Variants in RARB observed in about 807,000 individuals in gnomAD.
RARB encodes retinoic acid receptor beta, also known as HBV-activated protein.
A neutral mutation model predicts 51.9 loss-of-function variants in RARB; 17 were observed. That is an observed-to-expected ratio of 0.33 (90% CI 0.22 to 0.49). RARB has a LOEUF of 0.49. Among genes scored for constraint, RARB ranks in the 20% least tolerant of loss-of-function variants. The pLI is 0.99. For missense variants in RARB, 369 were observed against 550.8 expected (o/e 0.67, Z 3.30); for synonymous variants, 215 against 195.4 (o/e 1.10, Z -0.84).
intron 3 of RARB, among the ~76,000 whole-genome samples, chr3:25,545,353 G>T (rs1035421522): frequency 2.8e-4 from 43 of 152,224 alleles, no homozygotes; most frequent in African/African-American, 1.0e-3. Flanking sequence ...TTGTCTCCTT[G>T]CCTCTCAAAG....
chr3:25,031,010 T>C (rs1575126753), intron 2 of RARB, among the ~76,000 whole-genome samples: 1 of 152,210 alleles, frequency 6.6e-6, no homozygotes, highest in Non-Finnish European at 1.5e-5. Flanking sequence ...TTTGCTTTCA[T>C]GGGCCACAGT....
intron 2 of RARB, among the ~76,000 whole-genome samples, chr3:24,917,376 C>G (rs1695128615): frequency 6.6e-6 from 1 of 152,156 alleles, no homozygotes; most frequent in African/African-American, 2.4e-5. Context: ...AGACAGATCA[C>G]AGGCTGTAAG....
At chr3:25,063,712 T>G (rs1698598233) in intron 3 of RARB, among the ~76,000 whole-genome samples, 1 of 151,058 alleles carries the variant, frequency 6.6e-6, no homozygotes, top group Non-Finnish European at 1.5e-5. Context: ...TTGAGACTTT[T>G]TTTTTTTTTT....
chr3:25,593,139 C>G (rs574274873), intron 5 of RARB, among the ~76,000 whole-genome samples: 1 of 151,718 alleles, frequency 6.6e-6, no homozygotes, highest in East Asian at 1.9e-4. Flanking sequence ...AGACTGTAAG[C>G]TCTTAAAAAA....
At chr3:25,252,814 A>G (rs1702761231) in intron 5 of RARB, among the ~76,000 whole-genome samples, 3 of 152,150 alleles carry the variant, frequency 2.0e-5, no homozygotes, top group Admixed American at 6.6e-5. Flanking sequence ...AGTAGCATCC[A>G]GTCTAATTGA....
At chr3:25,056,710 G>A (rs749288401) in intron 2 of RARB, among the ~76,000 whole-genome samples, 22 of 152,096 alleles carry the variant, frequency 1.4e-4, no homozygotes, top group Non-Finnish European at 2.8e-4. Flanking sequence ...CTGTATATAT[G>A]ATAAGATAAT....
intron 1 of RARB, among the ~76,000 whole-genome samples, chr3:25,460,043 C>T (rs1427373022): frequency 6.6e-6 from 1 of 152,114 alleles, no homozygotes; most frequent in South Asian, 2.1e-4. Flanking sequence ...GGTTAGATAA[C>T]AGGATGGAGG....
chr3:25,165,904 A>G (rs1353821409), intron 4 of RARB, among the ~76,000 whole-genome samples: 1 of 152,008 alleles, frequency 6.6e-6, no homozygotes, highest in East Asian at 1.9e-4. Flanking sequence ...TCATATTTGA[A>G]CTCTGTTTCT....
chr3:24,920,034 C>G (rs1218098085), intron 2 of RARB, among the ~76,000 whole-genome samples: 1 of 152,132 alleles, frequency 6.6e-6, no homozygotes, highest in African/African-American at 2.4e-5. Flanking sequence ...TGGGAGGATG[C>G]TAGTCATACA....
intron 2 of RARB, among the ~76,000 whole-genome samples, chr3:25,477,717 A>G (rs1165541705): frequency 6.6e-6 from 1 of 152,184 alleles, no homozygotes; most frequent in African/African-American, 2.4e-5. Flanking sequence ...GGTTAAAATG[A>G]CCCTTAAATC....
intron 5 of RARB, among the ~76,000 whole-genome samples, chr3:25,234,102 C>A (rs1702247703): frequency 6.6e-6 from 1 of 151,970 alleles, no homozygotes; most frequent in Admixed American, 6.6e-5. Context: ...TTACTTTCTC[C>A]TTAATTTTCT....
intron 5 of RARB, among the ~76,000 whole-genome samples, chr3:25,213,566 A>C (rs1389130573): frequency 2.6e-5 from 4 of 152,208 alleles, no homozygotes; most frequent in Non-Finnish European, 5.9e-5. Flanking sequence ...ACATTACCAG[A>C]GTATCTACCT....
chr3:25,452,309 T>C (rs2125543325), intron 1 of RARB, among the ~76,000 whole-genome samples: 1 of 152,342 alleles, frequency 6.6e-6, no homozygotes, highest in Middle Eastern at 3.4e-3. Flanking sequence ...GAAATGTTGG[T>C]GTTGAACGTG....
intron 3 of RARB, among the ~76,000 whole-genome samples, chr3:25,517,774 A>C (rs1443167757): frequency 1.3e-5 from 2 of 152,246 alleles, no homozygotes; most frequent in Non-Finnish European, 2.9e-5. Flanking sequence ...GACAAGTAAA[A>C]TATGATATAT....
chr3:24,983,433 G>C (rs748972393), intron 2 of RARB, among the ~76,000 whole-genome samples: 10 of 151,952 alleles, frequency 6.6e-5, no homozygotes, highest in Non-Finnish European at 7.4e-5. Flanking sequence ...TTGTTACATA[G>C]GTATACATGT....
intron 2 of RARB, among the ~76,000 whole-genome samples, chr3:25,031,927 A>C (rs768263334): frequency 6.6e-6 from 1 of 152,200 alleles, no homozygotes; most frequent in African/African-American, 2.4e-5. Flanking sequence ...TACATTAAGA[A>C]AGTTCATAAA....
At chr3:24,872,949 G>C (rs926571692) in intron 2 of RARB, among the ~76,000 whole-genome samples, 1 of 152,144 alleles carries the variant, frequency 6.6e-6, no homozygotes, top group Non-Finnish European at 1.5e-5. Context: ...CCTGTATCAG[G>C]AATCAGCAAA....
intron 2 of RARB, among the ~76,000 whole-genome samples, chr3:25,058,311 G>A (rs975431543): frequency 1.3e-5 from 2 of 151,698 alleles, no homozygotes; most frequent in Non-Finnish European, 2.9e-5. Flanking sequence ...TGTGTGGTTG[G>A]GTTGTATAAA....
chr3:25,370,339 T>G (rs1452147990), intron 5 of RARB, among the ~76,000 whole-genome samples: 1 of 152,188 alleles, frequency 6.6e-6, no homozygotes, highest in Non-Finnish European at 1.5e-5. Context: ...TAAGTGTATG[T>G]ATTCCAAGCT....
Sources: gnomAD v4.1 joint callset for allele counts (sites outside exome capture counted in the v4.1 genomes callset) on GRCh38, gnomAD v4.1.1 for gene constraint, MANE v1.5 for transcripts, NCBI Gene and HGNC (gene_info 2026-07-23, HGNC 2026-07-21) for gene names.